Variants in PLEKHG5 observed in about 807,000 individuals in gnomAD.
PLEKHG5 encodes the protein pleckstrin homology domain-containing family G member 5.
Under a neutral mutation model 103.8 loss-of-function variants are expected in PLEKHG5, and 52 were observed. That is an observed-to-expected ratio of 0.50 (90% confidence interval 0.40 to 0.63). The LOEUF (loss-of-function observed/expected upper bound fraction) is 0.63, where lower values mean the gene tolerates loss of function less well. Ranked by LOEUF, PLEKHG5 falls within the 30% of genes least tolerant of loss-of-function variation. The pLI, the probability that PLEKHG5 is intolerant of heterozygous loss-of-function variation, is 0.00. For synonymous variants in PLEKHG5, 592 were observed against 575.5 expected, an observed-to-expected ratio of 1.03 and a Z score of -0.41; for missense variants, 1,205 against 1,347.6, an observed-to-expected ratio of 0.89 and a Z score of 1.66.
chr1:6,507,828 C>T (rs1638366575), intron 1 of PLEKHG5, among the ~76,000 whole-genome samples: 1 of 152,216 alleles, frequency 6.6e-6, no homozygotes, highest in African/African-American at 2.4e-5. Context: ...ATCACTGGCA[C>T]CCACACGACC....
Position 6,475,499 on chromosome 1 carries a change from T to C in PLEKHG5, c.173A>G (p.Lys58Arg). ...CCTCCTTGCTTTCTTCTTGGAGAGT[T>C]TCAGGCCTGTGCTCTTCCGGTCCCT... ...GKGDRKSTGLKLSKKKARRRH... is the reference protein window; with the variant it reads ...GKGDRKSTGLRLSKKKARRRH... Residue 58 changes from lysine (K) to arginine (R), a missense_variant, in exon 4 of 21, where the codon AAA becomes AGA. Lys to Arg is a conservative substitution (Grantham distance 26). Coordinates refer to ENST00000377728, the MANE Select transcript of PLEKHG5 (RefSeq NM_020631.6). The C allele has an allele frequency of 6.2e-7, 1 of 1,613,388 alleles. No homozygotes were observed. Among genetic ancestry groups the C allele is most frequent in the Non-Finnish European group, 8.5e-7 (1 of 1,179,854 alleles).
Position 6,505,154 on chromosome 1 carries a change from T to C in PLEKHG5, c.-164-8585A>G, listed in dbSNP as rs1030593637. Reference sequence around the variant, plus strand: ...GTTCCACAGTGCTGGGAGCTGGAGATCAGCGCTCCGGTAGCTTCTGCGGAC... The same window carrying C: ...GTTCCACAGTGCTGGGAGCTGGAGACCAGCGCTCCGGTAGCTTCTGCGGAC... On this transcript the variant is annotated intron_variant, in intron 1 of 21. Coordinates refer to the PLEKHG5 transcript ENST00000377740. The surrounding 1 kb of genome is among the most constrained non-coding windows in gnomAD (Gnocchi z 4.2). 1.3e-5 allele frequency among the ~76,000 whole-genome samples: 2 copies of C among 152,076 alleles called. No homozygotes were observed. The highest frequency in any genetic ancestry group is 2.9e-5 in the Non-Finnish European group (2 of 68,010).
At chr1:6,504,196 C>T (rs903956660) in intron 1 of PLEKHG5, among the ~76,000 whole-genome samples, 2 of 152,172 alleles carry the variant, frequency 1.3e-5, no homozygotes, top group Non-Finnish European at 2.9e-5. Context: ...AGCCTGCCCC[C>T]GATCCCACCC....
chr1:6,470,924 G>A (rs1469262566), intron 13 of PLEKHG5, 40 bp from the exon 14 acceptor site: 38 of 1,302,688 alleles, frequency 2.9e-5, no homozygotes, highest in African/African-American at 7.5e-5. Context: ...GGCAGGCCCC[G>A]CCCCACCCGG....
Position 6,505,528 on chromosome 1 carries a change from G to A in PLEKHG5, c.-164-8959C>T, listed in dbSNP as rs1358570732. 3.3e-5 allele frequency among the ~76,000 whole-genome samples: 5 copies of A among 152,014 alleles called. No homozygotes were observed. Among genetic ancestry groups the A allele is most frequent in the Admixed American group, 2.0e-4 (3 of 15,278 alleles). ...TCCCACCCCTCTAAACACAAGCCAC[G>A]GGGCTCAGCGTCCCCGAGAGCTCAT... On this transcript the variant is annotated intron_variant, in intron 1 of 21. Transcript: ENST00000377740. The surrounding 1 kb of genome is among the most constrained non-coding windows in gnomAD (Gnocchi z 4.2).
chr1:6,470,951 G>T, intron 13 of PLEKHG5, 39 bp downstream of exon 13: 1 of 1,336,684 alleles, frequency 7.5e-7, no homozygotes, highest in Non-Finnish European at 1.0e-6. Flanking sequence ...CCAGGGTCCC[G>T]TCCTCCTGCG....
intron 4 of PLEKHG5, 142 bp from the exon 5 acceptor site, chr1:6,475,280 A>T: frequency 3.2e-6 from 1 of 315,400 alleles, no homozygotes. Context: ...CCTCCTCCCC[A>T]CCCTCCCCAC....
At chr1:6,468,651 C>A (rs1228507662) in intron 19 of PLEKHG5, 65 bp from the exon 20 acceptor site, 15 of 1,565,488 alleles carry the variant, frequency 9.6e-6, no homozygotes, top group Non-Finnish European at 1.3e-5. Context: ...CAGCCCCAGG[C>A]TGGGCAATGC....
At chr1:6,473,950 G>A (rs1014612881) in intron 7 of PLEKHG5, 63 bp downstream of exon 7, 26 of 1,473,546 alleles carry the variant, frequency 1.8e-5, no homozygotes, top group South Asian at 4.8e-5. Flanking sequence ...CTCTGAGGAG[G>A]GGCTGTGGGC....
chr1:6,479,325 C>T (rs186079394), intron 1 of PLEKHG5, among the ~76,000 whole-genome samples: 2,079 of 132,646 alleles, frequency 0.016, 46 homozygotes, highest in African/African-American at 0.055. Flanking sequence ...CTCGCTCTGT[C>T]GCCCAGGCTG....
At chr1:6,482,643 G>T (rs909882721) in intron 1 of PLEKHG5, among the ~76,000 whole-genome samples, 6 of 152,206 alleles carry the variant, frequency 3.9e-5, no homozygotes, top group Admixed American at 1.3e-4. Context: ...CACAGCCAGT[G>T]GATCTAGGAC....
chr1:6,474,692 C>T (rs1420033059), intron 5 of PLEKHG5, 105 bp from the exon 6 acceptor site: 1 of 1,169,496 alleles, frequency 8.6e-7, no homozygotes, highest in Non-Finnish European at 1.2e-6. Context: ...CCCAGCTGCC[C>T]CCACCTTCCC....
chr1:6,503,965 C>T (rs1569991232), intron 1 of PLEKHG5, among the ~76,000 whole-genome samples: 1 of 151,614 alleles, frequency 6.6e-6, no homozygotes, highest in Non-Finnish European at 1.5e-5. Flanking sequence ...CAGGGAGGGC[C>T]TGCCTCTGCA....
chr1:6,511,853 T>C (rs1447139449), intron 1 of PLEKHG5, among the ~76,000 whole-genome samples: 3 of 152,204 alleles, frequency 2.0e-5, no homozygotes, highest in African/African-American at 7.2e-5. Flanking sequence ...GAGAGGGTTC[T>C]GCTGGCAGGA....
chr1:6,472,108 G>A (rs976272167), intron 10 of PLEKHG5, among the ~76,000 whole-genome samples: 1 of 152,184 alleles, frequency 6.6e-6, no homozygotes, highest in Admixed American at 6.5e-5. Context: ...CTCTGCCCTG[G>A]CTTAGCCTCC....
intron 1 of PLEKHG5, among the ~76,000 whole-genome samples, chr1:6,506,570 C>T (rs1389293848): frequency 6.6e-6 from 1 of 152,202 alleles, no homozygotes; most frequent in East Asian, 1.9e-4. Flanking sequence ...TCCGGCTCCC[C>T]ACCCCTGACC....
intron 1 of PLEKHG5, among the ~76,000 whole-genome samples, chr1:6,480,714 T>C (rs892969555): frequency 6.6e-6 from 1 of 151,094 alleles, no homozygotes; most frequent in Non-Finnish European, 1.5e-5. Flanking sequence ...AGTGCCGCAA[T>C]CTCGGCTCAC....
At chr1:6,500,849 AG>A (rs1354838500), upstream of PLEKHG5, among the ~76,000 whole-genome samples, 4 of 152,082 alleles carry the variant, frequency 2.6e-5, no homozygotes, top group African/African-American at 9.7e-5. Flanking sequence ...CAGGGAGACC[AG>A]GGCCCTTGGC....
intron 1 of PLEKHG5, among the ~76,000 whole-genome samples, chr1:6,517,077 A>T: frequency 1.2e-5 from 1 of 81,246 alleles, no homozygotes; most frequent in African/African-American, 5.5e-5. Context: ...GTGAAACCCC[A>T]TCTCCACTAA....
Sources: gnomAD v4.1 joint callset for allele counts (sites outside exome capture counted in the v4.1 genomes callset) on GRCh38, gnomAD v4.1.1 for gene constraint, Gnocchi (gnomAD v3.1) non-coding constraint, MANE v1.5 for transcripts, NCBI Gene and HGNC (gene_info 2026-07-23, HGNC 2026-07-21) for gene names.